CCDC14: variants seen among roughly 807,000 people sequenced by gnomAD.
The protein encoded by CCDC14 is coiled-coil domain-containing protein 14.
Under a neutral mutation model 81.4 loss-of-function variants are expected in CCDC14, and 71 were observed. The observed-to-expected ratio is 0.87, with a 90% CI of 0.72 to 1.06. CCDC14 has a LOEUF of 1.06. Ranked by LOEUF, CCDC14 falls within the 50% of genes least tolerant of loss-of-function variation. The pLI is 0.00. For synonymous variants in CCDC14, 332 were observed against 364.8 expected (o/e 0.91, Z 1.03); for missense variants, 1,046 against 1,047.3 (o/e 1.00, Z 0.02).
At position 123,949,031 on chromosome 3, in the gene CCDC14, T is replaced by C; in HGVS notation, c.454A>G (p.Arg152Gly). The C allele has an allele frequency of 6.2e-7, 1 of 1,613,664 alleles. No individual in the cohort carries two copies. The highest frequency in any genetic ancestry group is 1.7e-5 in the Admixed American group (1 of 60,012). The change falls in exon 6 of 13, where the codon AGA becomes GGA. Residue 152 changes from arginine to glycine, a missense_variant. Coordinates refer to ENST00000409697, the MANE Select transcript of CCDC14 (RefSeq NM_001366335.1). ...TGGTATATTATGGGTGAATACATTC[T>C]ATAATGATCTTGCAATGACCAGTTT... ...EQNWSLQDHYRMYSPIIYQAL... is the reference protein window; with the variant it reads ...EQNWSLQDHYGMYSPIIYQAL...
intron 9 of CCDC14, among the ~76,000 whole-genome samples, chr3:123,936,268 T>A (rs1421958564): frequency 1.3e-5 from 2 of 152,164 alleles, no homozygotes; most frequent in Non-Finnish European, 2.9e-5. Flanking sequence ...TAAAAATTGA[T>A]GTTACACATG....
At position 123,915,607 on chromosome 3, in the gene CCDC14, T is replaced by C. The variant is rs761832514; in HGVS notation, c.1890A>G (p.Gln630=). ...GAGCAGGAGCTGGGTCATGTTGAAG[T>C]TGTTTATCATGAATGTTCAAGAGTG... ...TKSLLNIHDK[Q]LQHDPAPAHT... The change falls in exon 13 of 13, where the codon CAA becomes CAG. Residue 630 remains glutamine, a synonymous_variant. Transcript: ENST00000409697. 2.5e-6 allele frequency: 4 copies of C among 1,613,944 alleles called. No homozygotes were observed. Among genetic ancestry groups the C allele is most frequent in the Non-Finnish European group, 3.4e-6 (4 of 1,179,824 alleles).
At chr3:123,949,194 T>C (rs2036862754) in intron 5 of CCDC14, 62 bp from the exon 6 acceptor site, 1 of 1,056,918 alleles carries the variant, frequency 9.5e-7, no homozygotes. Context: ...TACCGTAAGA[T>C]TTTAAGAGAA....
chr3:123,960,128 T>G (rs2037591950), intron 1 of CCDC14, among the ~76,000 whole-genome samples: 1 of 152,226 alleles, frequency 6.6e-6, no homozygotes, highest in African/African-American at 2.4e-5. Flanking sequence ...AGAATCAGTT[T>G]GCTTTATTTT....
intron 9 of CCDC14, among the ~76,000 whole-genome samples, 178 bp downstream of exon 9, chr3:123,944,671 G>T (rs2148910532): frequency 6.6e-6 from 1 of 152,266 alleles, no homozygotes; most frequent in Middle Eastern, 3.4e-3. Context: ...ATACAAGTGG[G>T]CAGAAGGAAG....
the CCDC14 span, among the ~76,000 whole-genome samples, chr3:123,889,740 T>G: frequency 6.6e-6 from 1 of 152,172 alleles, no homozygotes; most frequent in Non-Finnish European, 1.5e-5. Context: ...ACAGCTCCAC[T>G]AGGCAGTGCC....
intron 5 of CCDC14, among the ~76,000 whole-genome samples, chr3:123,904,110 A>T (rs2034246449): frequency 6.6e-6 from 1 of 152,216 alleles, no homozygotes; most frequent in East Asian, 1.9e-4. Flanking sequence ...TTATATAATA[A>T]TTCCATATCA....
At chr3:123,947,868 C>T (rs1176932228) in intron 7 of CCDC14, among the ~76,000 whole-genome samples, 2 of 151,902 alleles carry the variant, frequency 1.3e-5, no homozygotes, top group Non-Finnish European at 2.9e-5. Flanking sequence ...ATGGTTACTA[C>T]TCCTAACCAT....
intron 5 of CCDC14, among the ~76,000 whole-genome samples, chr3:123,901,328 A>AT (rs1177845235): frequency 6.6e-6 from 1 of 152,178 alleles, no homozygotes; most frequent in Non-Finnish European, 1.5e-5. Context: ...TCAATTCAAT[A>AT]TAGCATTAGC....
Position 123,956,087 on chromosome 3 carries a change from C to T in CCDC14, c.188G>A (p.Cys63Tyr), listed in dbSNP as rs1370983030. The T allele has an allele frequency of 2.6e-6, 4 of 1,546,116 alleles. No individual in the cohort carries two copies. In the Admixed American group the frequency reaches 5.9e-5, roughly 23 times the overall value. ...CAAAATGTCCCTCAGCAAAGAAGCA[C>T]AACCATCAAGCCCGTGTACAGTTTC... ...QAETVHGLDGCASLLRDILRN... is the reference protein window; with the variant it reads ...QAETVHGLDGYASLLRDILRN... The change falls in exon 4 of 13, where the codon TGT (cysteine) becomes TAT (tyrosine). Residue 63 changes from cysteine to tyrosine, a missense_variant. Coordinates refer to ENST00000409697, the MANE Select transcript of CCDC14 (RefSeq NM_001366335.1).
intron 12 of CCDC14, among the ~76,000 whole-genome samples, chr3:123,927,879 G>A (rs1464406146): frequency 6.6e-6 from 1 of 151,988 alleles, no homozygotes; most frequent in East Asian, 1.9e-4. Flanking sequence ...TTGAAAGAAT[G>A]AGCAGGTACA....
At chr3:123,952,744 A>T (rs2037091510) in intron 5 of CCDC14, 1 of 354,586 alleles carries the variant, frequency 2.8e-6, no homozygotes, top group Non-Finnish European at 6.6e-6. Flanking sequence ...CATGGATACT[A>T]GTTAACATGC....
chr3:123,941,312 A>C (rs2036338219), intron 9 of CCDC14, among the ~76,000 whole-genome samples: 1 of 152,036 alleles, frequency 6.6e-6, no homozygotes, highest in Non-Finnish European at 1.5e-5. Context: ...AAAATGCCAA[A>C]ATATCATAGA....
At chr3:123,945,031 T>G in intron 8 of CCDC14, 41 bp from the exon 9 acceptor site, 1 of 1,446,292 alleles carries the variant, frequency 6.9e-7, no homozygotes, top group African/African-American at 1.4e-5. Flanking sequence ...AATATTATAT[T>G]TTTGGACAAG....
intron 9 of CCDC14, among the ~76,000 whole-genome samples, chr3:123,935,887 T>C (rs1330943641): frequency 1.3e-5 from 2 of 152,140 alleles, no homozygotes; most frequent in Admixed American, 1.3e-4. Flanking sequence ...ATAATGTGGT[T>C]TGGGGACAAA....
At chr3:123,960,964 A>C (rs2037648208) in intron 1 of CCDC14, among the ~76,000 whole-genome samples, 180 bp downstream of exon 1, 3 of 152,180 alleles carry the variant, frequency 2.0e-5, no homozygotes, top group Admixed American at 1.3e-4. Flanking sequence ...AAACATCTAG[A>C]GACCGAGCGG....
At chr3:123,934,348 GT>G (rs1053160174) in intron 9 of CCDC14, among the ~76,000 whole-genome samples, 3 of 137,684 alleles carry the variant, frequency 2.2e-5, no homozygotes, top group Non-Finnish European at 4.7e-5. Context: ...GTGATTTGTT[GT>G]TTTTTTTCTA....
At chr3:123,948,553 A>G (rs2148928352) in intron 7 of CCDC14, 138 bp downstream of exon 7, 3 of 784,522 alleles carry the variant, frequency 3.8e-6, no homozygotes, top group Non-Finnish European at 6.0e-6. Context: ...AAACATGTAA[A>G]ACTTTTATAG....
chr3:123,931,361 GTTTGATC>G lies in CCDC14; in HGVS notation c.1585_1591del (p.Asp529LeufsTer13). 1 of 1,522,360 alleles carries G rather than the reference GTTTGATC, an allele frequency of 6.6e-7. No individual in the cohort carries two copies. The highest frequency in any genetic ancestry group is 8.9e-7 in the Non-Finnish European group (1 of 1,120,476). The allele number at this position is 1,522,360 out of a possible 1,614,324, so 94.3% of individuals were successfully genotyped here. A position where few individuals can be genotyped will look rare whatever the true frequency, so the allele number is the denominator to read the frequency against. The stretch of plus-strand genomic sequence containing the variant: ...ATATTGCTGTTTATTTTCAAGTATA[GTTTGATC>G]TTTGTCTTTAAATATACTACTAAAT... On this transcript the variant is annotated frameshift_variant, in exon 11 of 13. Transcript: ENST00000409697. LOFTEE classifies it high-confidence loss of function.
Sources: gnomAD v4.1 joint callset for allele counts (sites outside exome capture counted in the v4.1 genomes callset) on GRCh38, gnomAD v4.1.1 for gene constraint, MANE v1.5 for transcripts, NCBI Gene and HGNC (gene_info 2026-07-23, HGNC 2026-07-21) for gene names.